Variants in PON2 observed in about 807,000 individuals in gnomAD.
PON2 encodes serum paraoxonase/arylesterase 2.
Under a neutral mutation model 36.6 loss-of-function variants are expected in PON2, and 27 were observed. The ratio of observed to expected loss-of-function variants is 0.74; its 90% CI spans 0.54 to 1.02. The LOEUF is 1.02. Among genes scored for constraint, PON2 ranks in the 50% least tolerant of loss-of-function variants. The pLI, the probability that PON2 is intolerant of heterozygous loss-of-function variation, is 0.00. For synonymous variants in PON2, 149 were observed against 156.3 expected (o/e 0.95, Z 0.35); for missense variants, 363 against 421.1 (o/e 0.86, Z 1.21).
intron 1 of PON2, among the ~76,000 whole-genome samples, chr7:95,433,731 C>G (rs1789496677): frequency 6.6e-6 from 1 of 152,322 alleles, no homozygotes; most frequent in South Asian, 2.1e-4. Flanking sequence ...AACTTCCCAC[C>G]TTAGCCCCTT....
chr7:95,426,512 C>T (rs1215884353), intron 1 of PON2, among the ~76,000 whole-genome samples: 5 of 152,196 alleles, frequency 3.3e-5, no homozygotes, highest in Admixed American at 1.3e-4. Flanking sequence ...TTTCCCACGG[C>T]GCAACTTAGC....
chr7:95,406,716 CTTA>C (rs1181260305), intron 7 of PON2, among the ~76,000 whole-genome samples: 1 of 152,072 alleles, frequency 6.6e-6, no homozygotes, highest in African/African-American at 2.4e-5. Flanking sequence ...TGTGAAAATT[CTTA>C]TTGGAATTCT....
At chr7:95,427,280 ACTT>A (rs1211006708) in intron 1 of PON2, among the ~76,000 whole-genome samples, 2 of 151,896 alleles carry the variant, frequency 1.3e-5, no homozygotes, top group African/African-American at 4.8e-5. Flanking sequence ...TTGTTAGTGG[ACTT>A]CTGTTTTCTG....
intron 3 of PON2, chr7:95,412,764 G>C (rs1788962381): frequency 1.4e-5 from 6 of 441,352 alleles, no homozygotes; most frequent in South Asian, 8.6e-5. Context: ...GTGGAGAAAA[G>C]TGACATCTAC....
chr7:95,422,233 G>A (rs1485795593), intron 2 of PON2, among the ~76,000 whole-genome samples: 1 of 152,154 alleles, frequency 6.6e-6, no homozygotes, highest in East Asian at 1.9e-4. Flanking sequence ...ACTGTTTTAG[G>A]AATGAAGAAG....
intron 1 of PON2, among the ~76,000 whole-genome samples, chr7:95,431,502 C>T (rs1165908046): frequency 6.6e-6 from 1 of 151,968 alleles, no homozygotes; most frequent in East Asian, 1.9e-4. Flanking sequence ...TCACTGCAAC[C>T]TCTACCTCTG....
chr7:95,427,307 AGC>A (rs2116501837), intron 1 of PON2, among the ~76,000 whole-genome samples: 1 of 152,250 alleles, frequency 6.6e-6, no homozygotes, highest in Non-Finnish European at 1.5e-5. Context: ...GGCAGACCCT[AGC>A]GGCTGACAAA....
chr7:95,417,727 C>CACACACACACACACACACACACT (rs1562788872), intron 2 of PON2, among the ~76,000 whole-genome samples: 62 of 80,262 alleles, frequency 7.7e-4, no homozygotes, highest in African/African-American at 3.2e-3. Context: ...ACACACACAC[C>CACACACACACACACACACACACT]GAGAGAGAAT....
chr7:95,416,668 A>G (rs995655600), intron 2 of PON2, among the ~76,000 whole-genome samples: 7 of 152,216 alleles, frequency 4.6e-5, no homozygotes, highest in African/African-American at 1.7e-4. Flanking sequence ...GCATTTAACC[A>G]TGCAAATATC....
At chr7:95,421,694 AG>A (rs1789196154) in intron 2 of PON2, among the ~76,000 whole-genome samples, 1 of 152,182 alleles carries the variant, frequency 6.6e-6, no homozygotes, top group Non-Finnish European at 1.5e-5. Context: ...AGTCTAGGGG[AG>A]GGGAGGTAGA....
At chr7:95,413,862 GAACA>G (rs1170537264) in intron 3 of PON2, among the ~76,000 whole-genome samples, 2 of 152,136 alleles carry the variant, frequency 1.3e-5, no homozygotes, top group Non-Finnish European at 2.9e-5. Context: ...CTGGTAAGTA[GAACA>G]AACTGGAATT....
intron 3 of PON2, among the ~76,000 whole-genome samples, chr7:95,414,413 TAAC>T (rs901577093): frequency 2.6e-5 from 4 of 151,744 alleles, no homozygotes; most frequent in Non-Finnish European, 1.5e-5. Context: ...CAAAGGAGGG[TAAC>T]AGAAAAAAAG....
intron 5 of PON2, among the ~76,000 whole-genome samples, chr7:95,411,076 G>A (rs1256203428): frequency 3.9e-5 from 6 of 152,104 alleles, no homozygotes; most frequent in Non-Finnish European, 7.4e-5. Flanking sequence ...CTGAACTGGG[G>A]GTGGGGGTAC....
chr7:95,412,738 C>T (rs369026549), intron 3 of PON2: 1 of 484,490 alleles, frequency 2.1e-6, no homozygotes. Context: ...CTAGGTGATT[C>T]CAGGGAGAGC....
intron 1 of PON2, among the ~76,000 whole-genome samples, chr7:95,433,470 G>C (rs754430478): frequency 6.6e-6 from 1 of 152,100 alleles, no homozygotes; most frequent in African/African-American, 2.4e-5. Context: ...CTAATGTACA[G>C]AGAACCATTG....
At chr7:95,433,964 C>T (rs891124553) in intron 1 of PON2, among the ~76,000 whole-genome samples, 1 of 152,240 alleles carries the variant, frequency 6.6e-6, no homozygotes, top group African/African-American at 2.4e-5. Context: ...CTGTATCAAA[C>T]TCCATAAGGG....
At position 95,405,086 on chromosome 7, in the gene PON2, G is replaced by T. The variant is rs976292801; in HGVS notation, c.*244C>A. On this transcript the variant is annotated 3_prime_UTR_variant, in exon 9 of 9. Transcript: ENST00000222572. ...AGGTGAGGCTTACTTTGTGCAAAATGTATTCACTTTATTCGAAAGCAGCTT... is the reference window on the plus strand; with the variant it reads ...AGGTGAGGCTTACTTTGTGCAAAATTTATTCACTTTATTCGAAAGCAGCTT... 4.6e-5 allele frequency: 21 copies of T among 456,042 alleles called. No homozygotes were observed. The highest frequency in any genetic ancestry group is 6.4e-4 in the Middle Eastern group (1 of 1,562). 28.2% of individuals were successfully genotyped at this position (456,042 alleles called of 1,614,324 possible).
intron 6 of PON2, among the ~76,000 whole-genome samples, chr7:95,408,418 G>A (rs753344448): frequency 3.9e-5 from 6 of 152,198 alleles, no homozygotes; most frequent in Non-Finnish European, 7.3e-5. Flanking sequence ...GAACCAACAG[G>A]ACCTGCCTAC....
At position 95,411,722 on chromosome 7, in the gene PON2, A is replaced by G. The variant is rs1788929846; in HGVS notation, c.425T>C (p.Ile142Thr). 6.2e-7 allele frequency: 1 copy of G among 1,613,770 alleles called. No individual in the cohort carries two copies. The highest frequency in any genetic ancestry group is 8.5e-7 in the Non-Finnish European group (1 of 1,179,732). Residue 142 changes from isoleucine to threonine, a missense_variant, in exon 5 of 9, where the codon ATT becomes ACT. Transcript: ENST00000222572. ...ATTTTCTGCTTCTTCAAATTTAAAAATTTCCACTGTATTCTTGAATTCTGG... is the reference window on the plus strand; with the variant it reads ...ATTTTCTGCTTCTTCAAATTTAAAAGTTTCCACTGTATTCTTGAATTCTGG... ...NHPEFKNTVE[I>T]FKFEEAENSL... is the part of the protein sequence containing the mutation.
Sources: allele counts gnomAD v4.1 joint callset (sites outside exome capture counted in the v4.1 genomes callset), GRCh38; gene constraint gnomAD v4.1.1; transcripts MANE v1.5; gene names NCBI Gene and HGNC (gene_info 2026-07-23, HGNC 2026-07-21).